LMNA: variants seen among roughly 807,000 people sequenced by gnomAD.
The protein encoded by LMNA is lamin.
LMNA carries 20 observed loss-of-function variants against 70.4 expected under a neutral mutation model. The ratio of observed to expected loss-of-function variants is 0.28; its 90% CI spans 0.20 to 0.41. The LOEUF (loss-of-function observed/expected upper bound fraction) is 0.41, where lower values mean the gene tolerates loss of function less well. Ranked by LOEUF, LMNA falls within the 10% of genes least tolerant of loss-of-function variation. The pLI is 1.00. For missense variants in LMNA, 652 were observed against 917.2 expected, an observed-to-expected ratio of 0.71 and a Z score of 3.73; for synonymous variants, 339 against 372.8, an observed-to-expected ratio of 0.91 and a Z score of 1.04.
intron 2 of LMNA, among the ~76,000 whole-genome samples, chr1:156,132,486 AT>A: frequency 6.6e-6 from 1 of 152,130 alleles, no homozygotes; most frequent in African/African-American, 2.4e-5. Flanking sequence ...ACATAAATAA[AT>A]AAAAATAAAA....
intron 3 of LMNA, among the ~76,000 whole-genome samples, chr1:156,095,207 G>A (rs1572315967): frequency 6.6e-6 from 1 of 152,108 alleles, no homozygotes; most frequent in East Asian, 1.9e-4. Context: ...GGGATTACAG[G>A]CGTTAGCCAC....
In LMNA at chr1:156,135,517, T is replaced by C. The variant is rs1454739012; in HGVS notation, c.936+205T>C. 4.4e-6 allele frequency: 3 copies of C among 676,234 alleles called. No individual in the cohort carries two copies. The highest frequency in any genetic ancestry group is 7.6e-6 in the Non-Finnish European group (3 of 394,482). The allele number at this position is 676,234 out of a possible 1,614,324, so 41.9% of individuals were successfully genotyped here. A position where few individuals can be genotyped will look rare whatever the true frequency, so the allele number is the denominator to read the frequency against. On this transcript the variant is annotated intron_variant, in intron 5 of 11. Coordinates refer to ENST00000368300, the MANE Select transcript of LMNA (RefSeq NM_170707.4). This position sits in a 1 kb window ranked among gnomAD's most constrained non-coding sequence, Gnocchi z 4.8. ...GTTTCTGTACACTCTTACCTCACCT[T>C]CACTTCTCAGGGCTTTGGTTTTCCC...
At chr1:156,122,427 T>G (rs1461514071) in intron 1 of LMNA, among the ~76,000 whole-genome samples, 3 of 152,214 alleles carry the variant, frequency 2.0e-5, no homozygotes, top group Admixed American at 2.0e-4. Flanking sequence ...AATGTGAATA[T>G]AGTTAATAGC....
intron 3 of LMNA, among the ~76,000 whole-genome samples, chr1:156,094,905 G>A (rs1016315987): frequency 4.0e-5 from 6 of 151,022 alleles, no homozygotes; most frequent in South Asian, 2.1e-4. Flanking sequence ...GATTACAGGC[G>A]TTTGTCACCA....
At chr1:156,109,047 C>G (rs977936381) in intron 3 of LMNA, among the ~76,000 whole-genome samples, 2 of 152,200 alleles carry the variant, frequency 1.3e-5, no homozygotes, top group Non-Finnish European at 2.9e-5. Context: ...AATAATTTAA[C>G]CTTTCTGGGC....
chr1:156,112,381 C>T (rs150288153), upstream of LMNA, among the ~76,000 whole-genome samples: 1 of 151,962 alleles, frequency 6.6e-6, no homozygotes, highest in Non-Finnish European at 1.5e-5. Flanking sequence ...CCAAGATTCT[C>T]AAAAAAAGAG....
At chr1:156,106,804 A>G (rs926065842) in intron 3 of LMNA, 1 of 152,250 alleles carries the variant, frequency 6.6e-6, no homozygotes. Flanking sequence ...CCCGATTTCT[A>G]TTTGACTGGC....
rs966529048 is a variant in LMNA, at chr1:156,138,261, C to G, written c.1699-227C>G. On this transcript the variant is annotated intron_variant, in intron 10 of 11. Coordinates refer to ENST00000368300, the MANE Select transcript of LMNA (RefSeq NM_170707.4). The surrounding 1 kb of genome is among the most constrained non-coding windows in gnomAD (Gnocchi z 5.5). ...CTAGAACAGAGTCAGAGTCACTGCT[C>G]TGGTTCTCTGTCCCCAAGTCTTCCT... 21 of 600,310 alleles carry G rather than the reference C, an allele frequency of 3.5e-5. No individual in the cohort carries two copies. The highest frequency in any genetic ancestry group is 3.3e-4 in the African/African-American group (18 of 53,856). 37.2% of individuals were successfully genotyped at this position (600,310 alleles called of 1,614,324 possible). A position where few individuals can be genotyped will look rare whatever the true frequency, so the allele number is the denominator to read the frequency against.
At chr1:156,104,190 A>G (rs1649239842) in intron 3 of LMNA, among the ~76,000 whole-genome samples, 1 of 152,138 alleles carries the variant, frequency 6.6e-6, no homozygotes, top group African/African-American at 2.4e-5. Flanking sequence ...TGATCCCAAG[A>G]GGTGCGTGTA....
intron 3 of LMNA, among the ~76,000 whole-genome samples, chr1:156,095,548 G>T (rs1012625470): frequency 1.3e-5 from 2 of 151,220 alleles, no homozygotes; most frequent in African/African-American, 4.9e-5. Flanking sequence ...GTAGAGACGG[G>T]GTTTCACCAG....
chr1:156,087,050 G>A (rs148611766), intron 2 of LMNA, among the ~76,000 whole-genome samples: 15 of 152,182 alleles, frequency 9.9e-5, no homozygotes, highest in Non-Finnish European at 2.2e-4. Flanking sequence ...CCCCTCCTTA[G>A]CCCTATTCTC....
intron 1 of LMNA, among the ~76,000 whole-genome samples, chr1:156,116,672 C>A (rs1649847365): frequency 6.6e-6 from 1 of 152,212 alleles, no homozygotes; most frequent in Non-Finnish European, 1.5e-5. Context: ...TCAAGTGATT[C>A]TCCTGCCTCA....
rs556221578 is a variant in LMNA, at chr1:156,136,168, G to A, written c.1158-46G>A. 1.9e-5 allele frequency: 30 copies of A among 1,612,450 alleles called. No homozygotes were observed. Among genetic ancestry groups the A allele is most frequent in the Admixed American group, 1.2e-4 (7 of 60,024 alleles). On this transcript the variant is annotated intron_variant, in intron 6 of 11. Transcript: ENST00000368300. This position sits in a 1 kb window ranked among gnomAD's most constrained non-coding sequence, Gnocchi z 6.1. Reference sequence around the variant, plus strand: ...GAGGTGCTGGCAGTGTCCTCTGGCCGGCAACTGGCCTTGACTAGACCCCCA... The same window carrying A: ...GAGGTGCTGGCAGTGTCCTCTGGCCAGCAACTGGCCTTGACTAGACCCCCA...
chr1:156,098,450 C>T (rs562016589), intron 3 of LMNA, among the ~76,000 whole-genome samples: 1 of 152,286 alleles, frequency 6.6e-6, no homozygotes, highest in Non-Finnish European at 1.5e-5. Context: ...AATTGGATAA[C>T]CTAGCATAAA....
At chr1:156,118,735 C>T (rs584025) in intron 1 of LMNA, among the ~76,000 whole-genome samples, 18,955 of 152,126 alleles carry the variant, frequency 0.12, 2,399 homozygotes, top group African/African-American at 0.32. Flanking sequence ...CCCCTCCCAC[C>T]AAAGCCTAGA....
intron 1 of LMNA, 111 bp from the exon 2 acceptor site, chr1:156,130,506 G>A: frequency 6.0e-6 from 7 of 1,167,662 alleles, no homozygotes; most frequent in Non-Finnish European, 9.0e-6. Flanking sequence ...CCCTCTCCTG[G>A]TAATTGCAGG....
Position 156,115,770 on chromosome 1 carries a change from A to G in LMNA, c.356+496A>G, listed in dbSNP as rs1185415301. Among the ~76,000 whole-genome samples the G allele has an allele frequency of 6.6e-6, 1 of 152,158 alleles. No homozygotes were observed. Among genetic ancestry groups the G allele is most frequent in the East Asian group, 1.9e-4 (1 of 5,198 alleles). The stretch of plus-strand genomic sequence containing the variant: ...TGATGCCCACTAAGACATAACTCTC[A>G]AGTTGGCATCTGTCCAGCGTGTTGG... On this transcript the variant is annotated intron_variant, in intron 1 of 11. Coordinates refer to ENST00000368300, the MANE Select transcript of LMNA (RefSeq NM_170707.4). This position sits in a 1 kb window ranked among gnomAD's most constrained non-coding sequence, Gnocchi z 5.8.
At chr1:156,118,285 G>A (rs116394986) in intron 1 of LMNA, among the ~76,000 whole-genome samples, 1,835 of 152,240 alleles carry the variant, frequency 0.012, 22 homozygotes, top group Non-Finnish European at 0.02. Flanking sequence ...GCAGTTTTCT[G>A]GTCAAAACTT....
intron 3 of LMNA, among the ~76,000 whole-genome samples, chr1:156,105,990 C>CG (rs1649321051): frequency 6.6e-6 from 1 of 152,040 alleles, no homozygotes; most frequent in Non-Finnish European, 1.5e-5. Flanking sequence ...AAAAAAATAG[C>CG]GGGGCGTGGT....
Sources: gnomAD v4.1 joint callset for allele counts (sites outside exome capture counted in the v4.1 genomes callset) on GRCh38, gnomAD v4.1.1 for gene constraint, Gnocchi (gnomAD v3.1) non-coding constraint, MANE v1.5 for transcripts, NCBI Gene and HGNC (gene_info 2026-07-23, HGNC 2026-07-21) for gene names.